The following MGAT5 variants were observed in gnomAD, a reference collection of about 807,000 sequenced individuals.
MGAT5 encodes the protein alpha-1,6-mannosylglycoprotein 6-beta-N-acetylglucosaminyltransferase A.
In MGAT5, 30 loss-of-function variants were observed where a neutral mutation model predicts 94.3. The ratio of observed to expected loss-of-function variants is 0.32; its 90% CI spans 0.24 to 0.43. The LOEUF (loss-of-function observed/expected upper bound fraction) is 0.43. MGAT5 is among the 20% of genes least tolerant of loss of function. MGAT5 has a pLI of 1.00. For missense variants in MGAT5, 691 were observed against 905.5 expected, an observed-to-expected ratio of 0.76 and a Z score of 3.04; for synonymous variants, 310 against 322.9, an observed-to-expected ratio of 0.96 and a Z score of 0.43.
At chr2:134,127,290 G>A (rs576746881) in intron 1 of MGAT5, 3 of 154,728 alleles carry the variant, frequency 1.9e-5, no homozygotes, top group South Asian at 4.1e-4. Flanking sequence ...TCTAGTCTCT[G>A]TGACTAAGAA....
At chr2:134,137,450 T>C (rs1214811120) in intron 1 of MGAT5, among the ~76,000 whole-genome samples, 3 of 152,200 alleles carry the variant, frequency 2.0e-5, no homozygotes, top group Non-Finnish European at 4.4e-5. Context: ...CTTCTCTTGA[T>C]AGGAAATGAC....
chr2:134,295,156 G>A (rs1425875138), intron 2 of MGAT5, among the ~76,000 whole-genome samples: 1 of 152,196 alleles, frequency 6.6e-6, no homozygotes, highest in African/African-American at 2.4e-5. Flanking sequence ...TTAGTATATA[G>A]TTTAGATGTT....
chr2:134,396,641 C>T (rs1406855887), intron 10 of MGAT5, among the ~76,000 whole-genome samples: 7 of 152,200 alleles, frequency 4.6e-5, no homozygotes, highest in African/African-American at 1.7e-4. Context: ...AGGAATGTGC[C>T]GTGCCCGAGA....
intron 14 of MGAT5, among the ~76,000 whole-genome samples, chr2:134,434,954 A>G (rs1343188526): frequency 6.6e-6 from 1 of 152,164 alleles, no homozygotes; most frequent in African/African-American, 2.4e-5. Flanking sequence ...AAAGTACTGA[A>G]TGAATGAGGA....
At chr2:134,327,599 A>G (rs531738189) in intron 4 of MGAT5, among the ~76,000 whole-genome samples, 3 of 152,232 alleles carry the variant, frequency 2.0e-5, no homozygotes, top group African/African-American at 7.2e-5. Context: ...ATCAGCTACT[A>G]AGAGCATTGC....
At chr2:134,206,673 G>A (rs1680036032) in intron 1 of MGAT5, among the ~76,000 whole-genome samples, 1 of 152,138 alleles carries the variant, frequency 6.6e-6, no homozygotes, top group African/African-American at 2.4e-5. Flanking sequence ...TTGTCAAGAT[G>A]GGCCCTAAAT....
chr2:134,243,931 C>T (rs1348013184), intron 1 of MGAT5, among the ~76,000 whole-genome samples: 1 of 152,136 alleles, frequency 6.6e-6, no homozygotes, highest in African/African-American at 2.4e-5. Flanking sequence ...GAAGGCATTA[C>T]CCATATTTTT....
rs1444740825 is a variant in MGAT5 at position 134,318,633 on chromosome 2, T to C, written c.484-17T>C. ...GGCCTGTGAATGGGCTGCTCAGAGATGTTCTTCTTGTTTCAGTGGATGAAA... is the reference window on the plus strand; with the variant it reads ...GGCCTGTGAATGGGCTGCTCAGAGACGTTCTTCTTGTTTCAGTGGATGAAA... On this transcript the variant is annotated splice_polypyrimidine_tract_variant and intron_variant, in intron 3 of 15. Transcript: ENST00000281923. The C allele has an allele frequency of 6.2e-7, 1 of 1,602,526 alleles. No homozygotes were observed.
At chr2:134,428,320 G>T in intron 13 of MGAT5, 45 bp from the exon 14 acceptor site, 1 of 1,578,534 alleles carries the variant, frequency 6.3e-7, no homozygotes, top group South Asian at 1.1e-5. Flanking sequence ...GGTGCTACAT[G>T]TTCTCTGTCC....
intron 8 of MGAT5, among the ~76,000 whole-genome samples, chr2:134,345,285 C>T (rs1573872617): frequency 6.6e-6 from 1 of 152,172 alleles, no homozygotes; most frequent in Non-Finnish European, 1.5e-5. Context: ...CTCCTTTCTA[C>T]CTTGACTAAT....
chr2:134,301,436 T>C (rs1405934829), intron 2 of MGAT5, among the ~76,000 whole-genome samples: 3 of 152,184 alleles, frequency 2.0e-5, no homozygotes, highest in Non-Finnish European at 2.9e-5. Context: ...ATTATAGTGA[T>C]ATCCCTCTTT....
Position 134,225,971 on chromosome 2 carries a change from A to G in MGAT5, c.-142-28291A>G, listed in dbSNP as rs116072460. 1.4e-3 allele frequency among the ~76,000 whole-genome samples: 212 copies of G among 152,280 alleles called. 1 individual carries two copies. The highest frequency in any genetic ancestry group is 6.2e-3 in the South Asian group (30 of 4,830). On this transcript the variant is annotated intron_variant, in intron 1 of 16. Transcript: ENST00000409645. ...CTGTCCTGATTCCTCTTCAAACCGA[A>G]TGATAGCACCTTTTGTGTGTTAAGT...
At chr2:134,329,024 G>A (rs7558645) in intron 4 of MGAT5, among the ~76,000 whole-genome samples, 147,203 of 152,150 alleles carry the variant, frequency 0.97, 71,293 homozygotes, top group East Asian at 1. Flanking sequence ...TAAACAATGA[G>A]TTTTTTCAAA....
intron 1 of MGAT5, among the ~76,000 whole-genome samples, chr2:134,156,496 C>T (rs1307554080): frequency 1.3e-5 from 2 of 152,090 alleles, no homozygotes; most frequent in Non-Finnish European, 2.9e-5. Context: ...ACAGGATCCC[C>T]CAGGAGAAGA....
At chr2:134,442,325 A>AGC (rs1685528500) in intron 15 of MGAT5, among the ~76,000 whole-genome samples, 1 of 152,070 alleles carries the variant, frequency 6.6e-6, no homozygotes, top group Admixed American at 6.5e-5. Flanking sequence ...GCAGAGTCTG[A>AGC]GCAGTGCAAG....
chr2:134,300,362 A>G (rs770365948), intron 2 of MGAT5, among the ~76,000 whole-genome samples: 123 of 152,168 alleles, frequency 8.1e-4, no homozygotes, highest in Non-Finnish European at 1.6e-3. Context: ...ATTAGGAATG[A>G]AATCACAGCC....
chr2:134,288,893 T>C (rs1376678583), intron 2 of MGAT5, among the ~76,000 whole-genome samples: 1 of 152,210 alleles, frequency 6.6e-6, no homozygotes, highest in Non-Finnish European at 1.5e-5. Context: ...GGGCTTCACT[T>C]GCTCAAACCT....
chr2:134,140,624 G>A (rs994430968), intron 1 of MGAT5, among the ~76,000 whole-genome samples: 3 of 152,192 alleles, frequency 2.0e-5, no homozygotes, highest in African/African-American at 7.2e-5. Context: ...TATAACACCT[G>A]TGCCCACATC....
intron 2 of MGAT5, among the ~76,000 whole-genome samples, chr2:134,299,520 G>C (rs1685891746): frequency 6.6e-6 from 1 of 152,216 alleles, no homozygotes; most frequent in South Asian, 2.1e-4. Flanking sequence ...TTAAGGTTTT[G>C]TAGCTTTTTT....
Sources: allele counts gnomAD v4.1 joint callset (sites outside exome capture counted in the v4.1 genomes callset), GRCh38; gene constraint gnomAD v4.1.1; transcripts MANE v1.5; gene names NCBI Gene and HGNC (gene_info 2026-07-23, HGNC 2026-07-21).